MYT1L: variants seen among roughly 807,000 people sequenced by gnomAD.
The protein encoded by MYT1L is myelin transcription factor 1-like protein.
In MYT1L, 12 loss-of-function variants were observed where a neutral mutation model predicts 126.7. The observed-to-expected ratio is 0.09, with a 90% CI of 0.06 to 0.15. The LOEUF is 0.15. Among genes scored for constraint, MYT1L ranks in the 10% least tolerant of loss-of-function variants. The probability of loss-of-function intolerance (pLI) is 1.00; values close to 1 mark genes in which losing one functional copy is unlikely to be tolerated. For synonymous variants in MYT1L, 541 were observed against 604.2 expected (o/e 0.90, Z 1.53); for missense variants, 979 against 1,585.2 (o/e 0.62, Z 6.49).
intron 8 of MYT1L, among the ~76,000 whole-genome samples, chr2:1,947,469 C>T (rs749931636): frequency 2.6e-5 from 4 of 152,138 alleles, no homozygotes; most frequent in African/African-American, 9.7e-5. Flanking sequence ...GGGTCTGGGC[C>T]GTAGGGCATT....
At chr2:2,062,113 A>G (rs2070603823) in intron 3 of MYT1L, among the ~76,000 whole-genome samples, 1 of 152,180 alleles carries the variant, frequency 6.6e-6, no homozygotes, top group Non-Finnish European at 1.5e-5. Context: ...CCCTTCTCAC[A>G]GTTTCTGCCC....
intron 2 of MYT1L, among the ~76,000 whole-genome samples, chr2:2,242,374 G>A (rs2094456329): frequency 6.6e-6 from 1 of 152,080 alleles, no homozygotes; most frequent in Non-Finnish European, 1.5e-5. Context: ...CGCATTCCAG[G>A]GGCTTAGTAT....
intron 2 of MYT1L, among the ~76,000 whole-genome samples, chr2:2,217,235 A>G (rs974720536): frequency 2.0e-5 from 3 of 152,224 alleles, no homozygotes; most frequent in African/African-American, 7.2e-5. Flanking sequence ...AAATATCCAT[A>G]ATGAACATAG....
At chr2:2,204,216 C>T (rs1292247883) in intron 2 of MYT1L, among the ~76,000 whole-genome samples, 1 of 152,186 alleles carries the variant, frequency 6.6e-6, no homozygotes, top group Non-Finnish European at 1.5e-5. Context: ...GACTTCATGT[C>T]TAAAACACCA....
chr2:1,810,096 T>C (rs2036349485), intron 21 of MYT1L: 1 of 150,902 alleles, frequency 6.6e-6, no homozygotes, highest in Non-Finnish European at 1.5e-5. Flanking sequence ...GGCACTTAAC[T>C]ATGGGTGAGG....
chr2:1,994,576 T>C (rs1274836254), intron 5 of MYT1L, among the ~76,000 whole-genome samples: 1 of 152,180 alleles, frequency 6.6e-6, no homozygotes, highest in Admixed American at 6.5e-5. Flanking sequence ...ACGGTGCTAG[T>C]GAAAAAAGCT....
intron 2 of MYT1L, among the ~76,000 whole-genome samples, chr2:2,245,652 T>G (rs2094520164): frequency 6.6e-6 from 1 of 151,168 alleles, no homozygotes; most frequent in Non-Finnish European, 1.5e-5. Context: ...TGTCTTGGAG[T>G]AGGCTAGAGC....
At chr2:1,861,656 AGCCTGTGTAATCGTGGATCCTCCTACG>A (rs1277757499) in intron 18 of MYT1L, among the ~76,000 whole-genome samples, 20,437 of 90,596 alleles carry the variant, frequency 0.23, 1,161 homozygotes, top group East Asian at 0.38. Context: ...ATCTTCCTAC[AGCCTGTGTAATCGTGGATCCTCCTACG>A]GCCTGTGTAA....
At chr2:1,877,650 C>T (rs2047076054) in intron 18 of MYT1L, among the ~76,000 whole-genome samples, 1 of 152,156 alleles carries the variant, frequency 6.6e-6, no homozygotes, top group African/African-American at 2.4e-5. Flanking sequence ...GGAATGGGAC[C>T]TGGCTGCTCG....
intron 2 of MYT1L, among the ~76,000 whole-genome samples, chr2:2,219,797 A>G (rs2093801464): frequency 6.6e-6 from 1 of 152,100 alleles, no homozygotes; most frequent in Admixed American, 6.5e-5. Context: ...GTTATAAATG[A>G]CCCTGTCTCC....
chr2:1,993,906 G>A (rs191676720), intron 5 of MYT1L, among the ~76,000 whole-genome samples: 32 of 152,248 alleles, frequency 2.1e-4, no homozygotes, highest in African/African-American at 6.3e-4. Context: ...ACAGCTCCTC[G>A]TCTGTGAAAT....
At chr2:2,112,625 C>G (rs180953515) in intron 3 of MYT1L, among the ~76,000 whole-genome samples, 1 of 152,112 alleles carries the variant, frequency 6.6e-6, no homozygotes, top group African/African-American at 2.4e-5. Context: ...TGGGGAAAGG[C>G]CTGGCTTCTG....
intron 8 of MYT1L, among the ~76,000 whole-genome samples, chr2:1,959,225 T>C (rs2149374263): frequency 6.6e-6 from 1 of 152,324 alleles, no homozygotes; most frequent in South Asian, 2.1e-4. Flanking sequence ...GGATCTGCTC[T>C]TTCCAGATCA....
chr2:2,149,425 GAGGAA>G (rs2085391375), intron 3 of MYT1L, among the ~76,000 whole-genome samples: 1 of 152,340 alleles, frequency 6.6e-6, no homozygotes, highest in East Asian at 1.9e-4. Flanking sequence ...AGGCACAAAT[GAGGAA>G]AGCAATGGGG....
intron 2 of MYT1L, among the ~76,000 whole-genome samples, chr2:2,279,570 AAGG>A (rs1178595310): frequency 6.4e-5 from 7 of 109,248 alleles, no homozygotes; most frequent in African/African-American, 2.2e-4. Flanking sequence ...TGAATGAATG[AAGG>A]AAGGAAGGAA....
At chr2:1,868,880 C>T (rs1273786326) in intron 18 of MYT1L, among the ~76,000 whole-genome samples, 2 of 152,200 alleles carry the variant, frequency 1.3e-5, no homozygotes, top group African/African-American at 2.4e-5. Flanking sequence ...AGGGGAGATG[C>T]CCTCAGGTGT....
intron 18 of MYT1L, among the ~76,000 whole-genome samples, chr2:1,854,027 T>A (rs2043604874): frequency 6.6e-6 from 1 of 152,236 alleles, no homozygotes; most frequent in Non-Finnish European, 1.5e-5. Context: ...TGTGTCCTTC[T>A]TGTTATAGGA....
chr2:2,193,599 A>G (rs373035870), intron 2 of MYT1L, among the ~76,000 whole-genome samples: 3 of 152,330 alleles, frequency 2.0e-5, no homozygotes, highest in African/African-American at 7.2e-5. Flanking sequence ...TCAACCATAC[A>G]ATCTATAATC....
chr2:2,233,279 C>T (rs528415959), intron 2 of MYT1L, among the ~76,000 whole-genome samples: 5 of 152,256 alleles, frequency 3.3e-5, no homozygotes, highest in East Asian at 1.9e-4. Flanking sequence ...GGTGCCAGGA[C>T]GACAGGATCC....
Sources: gnomAD v4.1 joint callset for allele counts (sites outside exome capture counted in the v4.1 genomes callset) on GRCh38, gnomAD v4.1.1 for gene constraint, MANE v1.5 for transcripts, NCBI Gene and HGNC (gene_info 2026-07-23, HGNC 2026-07-21) for gene names.